HOOK3: variants seen among roughly 807,000 people sequenced by gnomAD.
HOOK3 encodes protein Hook homolog 3.
In HOOK3, 24 loss-of-function variants were observed where a neutral mutation model predicts 116.3. That is an observed-to-expected ratio of 0.21 (90% CI 0.15 to 0.29). HOOK3 has a LOEUF of 0.29. HOOK3 is among the 10% of genes least tolerant of loss of function. The pLI, the probability that HOOK3 is intolerant of heterozygous loss-of-function variation, is 1.00. For synonymous variants in HOOK3, 275 were observed against 283.0 expected (o/e 0.97, Z 0.28); for missense variants, 632 against 830.2 (o/e 0.76, Z 2.93).
At position 42,924,878 on chromosome 8, in the gene HOOK3, C is replaced by T. The variant is rs144910762; in HGVS notation, c.144-679C>T. On this transcript the variant is annotated intron_variant, in intron 2 of 21. Coordinates refer to ENST00000307602, the MANE Select transcript of HOOK3 (RefSeq NM_032410.4). The stretch of plus-strand genomic sequence containing the variant: ...ATCCTAGCTACTTGGGAGGCTGAGG[C>T]GGGAGAATCGCTTAAACCTGGGAGG... Among the ~76,000 whole-genome samples, 59 of 151,306 alleles carry T rather than the reference C, an allele frequency of 3.9e-4. 2 individuals carry two copies. The East Asian group carries it at 8.4e-3, about 21-fold the overall frequency.
At chr8:42,964,180 C>G (rs1176481237) in intron 8 of HOOK3, 131 bp from the exon 9 acceptor site, 5 of 851,660 alleles carry the variant, frequency 5.9e-6, no homozygotes, top group Non-Finnish European at 9.0e-6. Context: ...GCACTCCAGC[C>G]TGGGCGACAG....
At chr8:42,913,489 A>G (rs1458383452) in intron 2 of HOOK3, among the ~76,000 whole-genome samples, 2 of 152,254 alleles carry the variant, frequency 1.3e-5, no homozygotes, top group Non-Finnish European at 2.9e-5. Flanking sequence ...TTGTATGGAT[A>G]TACCACAATT....
intron 3 of HOOK3, among the ~76,000 whole-genome samples, chr8:42,925,919 T>A (rs1807756931): frequency 6.6e-6 from 1 of 152,212 alleles, no homozygotes; most frequent in Non-Finnish European, 1.5e-5. Flanking sequence ...TTGCCTTGGT[T>A]TCCCCATTTG....
At chr8:42,906,087 CAAAAAAAAA>C in intron 1 of HOOK3, 77 bp from the exon 2 acceptor site, 4 of 396,068 alleles carry the variant, frequency 1.0e-5, no homozygotes, top group South Asian at 1.8e-5. Context: ...ACTCCGTCTC[CAAAAAAAAA>C]AAAAAAAAAG....
intron 1 of HOOK3, among the ~76,000 whole-genome samples, chr8:42,901,245 C>G (rs1232896943): frequency 1.3e-5 from 2 of 152,128 alleles, no homozygotes; most frequent in African/African-American, 2.4e-5. Flanking sequence ...GGTAATAGAG[C>G]TTCTTGGAAT....
intron 5 of HOOK3, among the ~76,000 whole-genome samples, chr8:42,944,183 G>A (rs536034091): frequency 3.2e-4 from 48 of 152,162 alleles, no homozygotes; most frequent in East Asian, 1.9e-3. Flanking sequence ...GGGAGGCCAC[G>A]GTGGGCGGAT....
intron 2 of HOOK3, among the ~76,000 whole-genome samples, chr8:42,911,782 C>T (rs1485116163): frequency 6.6e-6 from 1 of 151,980 alleles, no homozygotes; most frequent in African/African-American, 2.4e-5. Context: ...AGACAGTATC[C>T]ACCGAAGAGA....
chr8:42,983,631 G>A (rs960262857), intron 14 of HOOK3, among the ~76,000 whole-genome samples: 3 of 152,040 alleles, frequency 2.0e-5, no homozygotes, highest in African/African-American at 4.8e-5. Flanking sequence ...TCTCAGGCGC[G>A]TGCCACCACG....
intron 4 of HOOK3, among the ~76,000 whole-genome samples, chr8:42,935,239 GT>G (rs569261216): frequency 6.6e-6 from 1 of 150,734 alleles, no homozygotes; most frequent in East Asian, 1.9e-4. Flanking sequence ...TGATGGGGTT[GT>G]TTTTTTTTCT....
At chr8:42,954,544 G>A (rs940836739) in intron 6 of HOOK3, among the ~76,000 whole-genome samples, 1 of 152,210 alleles carries the variant, frequency 6.6e-6, no homozygotes, top group Non-Finnish European at 1.5e-5. Flanking sequence ...TCTTAGGACA[G>A]AAGGAAAAAT....
At chr8:42,974,262 T>C (rs1808777981) in intron 13 of HOOK3, 68 bp downstream of exon 13, 1 of 1,171,292 alleles carries the variant, frequency 8.5e-7, no homozygotes. Flanking sequence ...TTCACTCTTA[T>C]TGCCCAGGCT....
At chr8:42,967,132 TA>T (rs1186438781) in intron 10 of HOOK3, among the ~76,000 whole-genome samples, 12 of 152,258 alleles carry the variant, frequency 7.9e-5, no homozygotes, top group African/African-American at 2.4e-4. Flanking sequence ...GGGAAATGCA[TA>T]ATTGATAGTT....
chr8:42,981,128 T>G (rs1302743416), intron 13 of HOOK3, among the ~76,000 whole-genome samples: 2 of 151,364 alleles, frequency 1.3e-5, no homozygotes, highest in Admixed American at 1.3e-4. Context: ...CTCAACTCAC[T>G]GCAGCCTCTG....
rs548066556 is a variant in HOOK3, at chr8:43,024,769, A to T, written c.*6271A>T. On this transcript the variant is annotated 3_prime_UTR_variant, in exon 22 of 22. Transcript: ENST00000307602. ...TAAAGTTTTGCAGCAAATGCTGTTC[A>T]GTTCCCAGAAGCCTAAAAAACATAA... is the stretch of plus-strand genomic sequence containing the variant. 9 of 198,500 alleles carry T rather than the reference A, an allele frequency of 4.5e-5. No individual in the cohort carries two copies. In the East Asian group the frequency reaches 6.2e-4, roughly 14 times the overall value. 12.3% of individuals were successfully genotyped at this position (198,500 alleles called of 1,614,324 possible). A position where few individuals can be genotyped will look rare whatever the true frequency, so the allele number is the denominator to read the frequency against.
chr8:43,006,683 G>A (rs1250606834), intron 17 of HOOK3, among the ~76,000 whole-genome samples: 1 of 152,030 alleles, frequency 6.6e-6, no homozygotes, highest in African/African-American at 2.4e-5. Context: ...TCTTTTAACT[G>A]TTATATTGTA....
At chr8:43,007,453 A>G (rs1347948693) in intron 17 of HOOK3, among the ~76,000 whole-genome samples, 2 of 152,142 alleles carry the variant, frequency 1.3e-5, no homozygotes, top group East Asian at 3.8e-4. Flanking sequence ...AGATCTATTC[A>G]TGTGGTTGAG....
chr8:42,918,187 A>ATTT (rs137903227), intron 2 of HOOK3, among the ~76,000 whole-genome samples: 2,152 of 152,168 alleles, frequency 0.014, 54 homozygotes, highest in African/African-American at 0.047. Context: ...AAAATGCAAA[A>ATTT]ATTAGCCTGG....
rs1809303413 is a variant in HOOK3 at position 42,997,606 on chromosome 8, C to T, written c.1589C>T (p.Ser530Phe). 1 of 1,608,802 alleles carries T rather than the reference C, an allele frequency of 6.2e-7. No individual in the cohort carries two copies. The highest frequency in any genetic ancestry group is 1.7e-5 in the Admixed American group (1 of 59,940). The part of the protein sequence containing the change: ...VQSQVEELQK[S>F]LQDQGSKAED... Reference sequence around the variant, plus strand: ...TCACAAGTTGAAGAATTACAAAAATCTTTACAGGATCAAGGCTCAAAAGCA... The same window carrying T: ...TCACAAGTTGAAGAATTACAAAAATTTTTACAGGATCAAGGCTCAAAAGCA... Residue 530 changes from serine (S) to phenylalanine (F), a missense_variant, in exon 16 of 22, where the codon TCT becomes TTT. Ser to Phe is a radical substitution (Grantham distance 155). Coordinates refer to ENST00000307602, the MANE Select transcript of HOOK3 (RefSeq NM_032410.4).
At chr8:42,948,009 G>A (rs1441048111) in intron 5 of HOOK3, among the ~76,000 whole-genome samples, 1 of 152,136 alleles carries the variant, frequency 6.6e-6, no homozygotes, top group East Asian at 1.9e-4. Flanking sequence ...TTCTCAAATT[G>A]GGGCAAATAA....
Sources: allele counts gnomAD v4.1 joint callset (sites outside exome capture counted in the v4.1 genomes callset), GRCh38; gene constraint gnomAD v4.1.1; transcripts MANE v1.5; gene names NCBI Gene and HGNC (gene_info 2026-07-23, HGNC 2026-07-21).